EXOC6B: variants seen among roughly 807,000 people sequenced by gnomAD.
The protein encoded by EXOC6B is SEC15 homolog B.
EXOC6B carries 54 observed loss-of-function variants against 113.5 expected under a neutral mutation model. The ratio of observed to expected loss-of-function variants is 0.48; its 90% CI spans 0.38 to 0.60. EXOC6B has a LOEUF of 0.60. Among genes scored for constraint, EXOC6B ranks in the 20% least tolerant of loss-of-function variants. The pLI is 0.00. For missense variants in EXOC6B, 797 were observed against 977.5 expected (o/e 0.82, Z 2.46); for synonymous variants, 357 against 339.0 (o/e 1.05, Z -0.58).
chr2:72,779,941 C>T (rs954613615), intron 1 of EXOC6B, among the ~76,000 whole-genome samples: 1 of 152,090 alleles, frequency 6.6e-6, no homozygotes, highest in Non-Finnish European at 1.5e-5. Flanking sequence ...AGAGGCAAGT[C>T]TGAAAAAGAG....
At chr2:72,352,383 G>A (rs974423927) in intron 19 of EXOC6B, among the ~76,000 whole-genome samples, 18 of 152,226 alleles carry the variant, frequency 1.2e-4, no homozygotes, top group Admixed American at 4.6e-4. Context: ...CTTTTGGAAC[G>A]TCAGGTTTTC....
At chr2:72,818,442 T>C (rs1207057185) in intron 1 of EXOC6B, among the ~76,000 whole-genome samples, 1 of 151,622 alleles carries the variant, frequency 6.6e-6, no homozygotes, top group Non-Finnish European at 1.5e-5. Context: ...ATTACAGGCG[T>C]GAGCCACCGT....
At chr2:72,611,537 C>T (rs1671073469) in intron 6 of EXOC6B, among the ~76,000 whole-genome samples, 1 of 152,076 alleles carries the variant, frequency 6.6e-6, no homozygotes, top group Admixed American at 6.6e-5. Context: ...TGAATCTAGA[C>T]TTTAGTTAGT....
Position 72,346,009 on chromosome 2 carries a change from T to A in EXOC6B, c.2123-10989A>T, listed in dbSNP as rs374971743. 1.2e-4 allele frequency among the ~76,000 whole-genome samples: 18 copies of A among 152,142 alleles called. 1 individual carries two copies. Among genetic ancestry groups the A allele is most frequent in the African/African-American group, 4.1e-4 (17 of 41,566 alleles). On this transcript the variant is annotated intron_variant, in intron 19 of 21. Coordinates refer to ENST00000272427, the MANE Select transcript of EXOC6B (RefSeq NM_015189.3). ...AACTGTTCCAAAAATTAAAGTCTGC[T>A]AAAAATTTATTTATAAAAAGGGCAG... is the stretch of plus-strand genomic sequence containing the variant.
At chr2:72,337,946 T>C (rs1006338832) in intron 19 of EXOC6B, among the ~76,000 whole-genome samples, 6 of 152,288 alleles carry the variant, frequency 3.9e-5, no homozygotes, top group African/African-American at 1.2e-4. Context: ...GCAAGATTCA[T>C]TGGGCACATG....
intron 20 of EXOC6B, among the ~76,000 whole-genome samples, chr2:72,329,144 T>C (rs1688295436): frequency 6.6e-6 from 1 of 152,104 alleles, no homozygotes; most frequent in Non-Finnish European, 1.5e-5. Flanking sequence ...CATAAAAACT[T>C]TCCCCTGCTA....
intron 7 of EXOC6B, among the ~76,000 whole-genome samples, chr2:72,564,326 T>C (rs558355512): frequency 6.6e-6 from 1 of 152,320 alleles, no homozygotes; most frequent in African/African-American, 2.4e-5. Flanking sequence ...TTAAGAAGGC[T>C]TTCAAAGTAG....
intron 18 of EXOC6B, among the ~76,000 whole-genome samples, chr2:72,454,668 A>G (rs1163823986): frequency 6.6e-6 from 1 of 152,214 alleles, no homozygotes; most frequent in Non-Finnish European, 1.5e-5. Flanking sequence ...GGAACCAAAC[A>G]TACTTAAGCT....
chr2:72,702,041 A>G (rs539249242), intron 6 of EXOC6B, among the ~76,000 whole-genome samples: 120 of 151,736 alleles, frequency 7.9e-4, no homozygotes, highest in Admixed American at 1.6e-3. Context: ...ATCTAGTATT[A>G]GGTATATCTC....
At chr2:72,640,850 C>A (rs990880066) in intron 6 of EXOC6B, among the ~76,000 whole-genome samples, 3 of 151,962 alleles carry the variant, frequency 2.0e-5, no homozygotes, top group Non-Finnish European at 2.9e-5. Context: ...GACTTTAAAC[C>A]AACAAAGATC....
intron 1 of EXOC6B, among the ~76,000 whole-genome samples, chr2:72,808,455 G>C (rs759740874): frequency 5.3e-5 from 8 of 151,898 alleles, no homozygotes; most frequent in Non-Finnish European, 1.2e-4. Context: ...ATACTAAAAA[G>C]TACACTCAAA....
At chr2:72,312,224 T>C (rs1687229381) in intron 20 of EXOC6B, among the ~76,000 whole-genome samples, 1 of 152,086 alleles carries the variant, frequency 6.6e-6, no homozygotes, top group Non-Finnish European at 1.5e-5. Flanking sequence ...AGATGGTTGG[T>C]TCCATTACTG....
intron 18 of EXOC6B, among the ~76,000 whole-genome samples, chr2:72,459,043 A>C (rs2105389029): frequency 6.6e-6 from 1 of 152,152 alleles, no homozygotes; most frequent in African/African-American, 2.4e-5. Context: ...AAAAAGGAAA[A>C]CCTAAAAGCT....
At chr2:72,688,894 A>C (rs561532826) in intron 6 of EXOC6B, among the ~76,000 whole-genome samples, 51 of 152,238 alleles carry the variant, frequency 3.4e-4, no homozygotes, top group Non-Finnish European at 5.6e-4. Flanking sequence ...ACAACTGTAC[A>C]ACATTTTAGT....
At chr2:72,784,614 C>T (rs1684265569) in intron 1 of EXOC6B, among the ~76,000 whole-genome samples, 1 of 152,088 alleles carries the variant, frequency 6.6e-6, no homozygotes, top group Non-Finnish European at 1.5e-5. Flanking sequence ...AAAGCGGAAA[C>T]CCCTGATAAA....
chr2:72,644,608 G>C (rs1454518663), intron 6 of EXOC6B, among the ~76,000 whole-genome samples: 1 of 152,164 alleles, frequency 6.6e-6, no homozygotes, highest in African/African-American at 2.4e-5. Flanking sequence ...AACTCTATAA[G>C]CCAGAAGAGA....
chr2:72,353,699 T>C (rs1689803895), intron 19 of EXOC6B, among the ~76,000 whole-genome samples: 1 of 151,926 alleles, frequency 6.6e-6, no homozygotes, highest in Non-Finnish European at 1.5e-5. Flanking sequence ...AATAATTGTT[T>C]CTTAAAATTT....
chr2:72,821,384 C>A (rs1476775215), intron 1 of EXOC6B, among the ~76,000 whole-genome samples: 1 of 152,006 alleles, frequency 6.6e-6, no homozygotes, highest in Non-Finnish European at 1.5e-5. Flanking sequence ...TGTAAAATGG[C>A]GCATGCACTT....
chr2:72,314,678 C>A (rs1023779471), intron 20 of EXOC6B, among the ~76,000 whole-genome samples: 1 of 152,152 alleles, frequency 6.6e-6, no homozygotes, highest in Non-Finnish European at 1.5e-5. Context: ...GAGTTTATAT[C>A]CGATATGTAC....
Sources: gnomAD v4.1 joint callset for allele counts (sites outside exome capture counted in the v4.1 genomes callset) on GRCh38, gnomAD v4.1.1 for gene constraint, MANE v1.5 for transcripts, NCBI Gene and HGNC (gene_info 2026-07-23, HGNC 2026-07-21) for gene names.